Variants in PAPPA2 observed in about 807,000 individuals in gnomAD.
The protein encoded by PAPPA2 is pappalysin 2.
A neutral mutation model predicts 176.4 loss-of-function variants in PAPPA2; 86 were observed. The observed-to-expected ratio is 0.49, with a 90% CI of 0.41 to 0.58. PAPPA2 has a LOEUF of 0.58. Among genes scored for constraint, PAPPA2 ranks in the 20% least tolerant of loss-of-function variants. The pLI is 0.00. For synonymous variants in PAPPA2, 809 were observed against 852.2 expected (o/e 0.95, Z 0.88); for missense variants, 2,073 against 2,256.9 (o/e 0.92, Z 1.65).
chr1:176,582,444 C>T (rs552022872), intron 2 of PAPPA2, among the ~76,000 whole-genome samples: 3 of 152,260 alleles, frequency 2.0e-5, no homozygotes, highest in African/African-American at 7.2e-5. Flanking sequence ...ACGATATTAG[C>T]GGTCACTTAT....
In PAPPA2 at chr1:176,666,579, G is replaced by T. The variant is rs1194222439; in HGVS notation, c.1992-4391G>T. ...AATATATATGTGTGTGTGTGTGTGTGTGTGTGTGTGTGTGTGTGTGTGTGT... is the reference window on the plus strand; with the variant it reads ...AATATATATGTGTGTGTGTGTGTGTTTGTGTGTGTGTGTGTGTGTGTGTGT... On this transcript the variant is annotated intron_variant, in intron 3 of 22. Transcript: ENST00000367662. 2.0e-5 allele frequency among the ~76,000 whole-genome samples: 3 copies of T among 148,444 alleles called. No individual in the cohort carries two copies. The South Asian group carries it at 6.5e-4, about 32-fold the overall frequency.
intron 1 of PAPPA2, among the ~76,000 whole-genome samples, chr1:176,543,192 T>A (rs1223973394): frequency 2.6e-5 from 4 of 152,208 alleles, no homozygotes; most frequent in African/African-American, 9.7e-5. Context: ...AGTGCAGTTA[T>A]GATGAAGAGG....
chr1:176,638,646 TG>T (rs1355123166), intron 3 of PAPPA2, among the ~76,000 whole-genome samples: 1 of 151,802 alleles, frequency 6.6e-6, no homozygotes, highest in African/African-American at 2.4e-5. Flanking sequence ...CAGGCCGGAG[TG>T]CTGGGGAGGG....
At chr1:176,755,577 A>AT (rs1663376461) in intron 14 of PAPPA2, among the ~76,000 whole-genome samples, 1 of 152,212 alleles carries the variant, frequency 6.6e-6, no homozygotes, top group Admixed American at 6.5e-5. Context: ...CCAGGAATAA[A>AT]TAATAGAGAG....
At chr1:176,800,033 T>C in intron 20 of PAPPA2, 28 bp from the exon 21 acceptor site, 1 of 1,613,312 alleles carries the variant, frequency 6.2e-7, no homozygotes, top group South Asian at 1.1e-5. Context: ...TTAATTTTGT[T>C]TTCTGTTTTT....
intron 1 of PAPPA2, among the ~76,000 whole-genome samples, chr1:176,492,904 T>G (rs1170456764): frequency 6.6e-6 from 1 of 152,122 alleles, no homozygotes; most frequent in African/African-American, 2.4e-5. Context: ...AAGAACTGAA[T>G]AGATTTGAAA....
intron 1 of PAPPA2, among the ~76,000 whole-genome samples, chr1:176,531,990 C>T (rs575679471): frequency 1.1e-4 from 16 of 152,156 alleles, no homozygotes; most frequent in Non-Finnish European, 1.8e-4. Context: ...CAAGAACTGG[C>T]CCTGACATTT....
intron 1 of PAPPA2, among the ~76,000 whole-genome samples, chr1:176,495,880 G>T (rs767434106): frequency 6.6e-6 from 1 of 151,376 alleles, no homozygotes; most frequent in Non-Finnish European, 1.5e-5. Flanking sequence ...CGATCCTCCC[G>T]CTCCATCTTC....
chr1:176,502,088 G>T (rs983297956), intron 1 of PAPPA2, among the ~76,000 whole-genome samples: 2 of 152,188 alleles, frequency 1.3e-5, no homozygotes, highest in Non-Finnish European at 2.9e-5. Flanking sequence ...CTCATTTAAT[G>T]TAGGAATGAC....
At chr1:176,553,487 A>AT (rs544577793) in intron 1 of PAPPA2, 18 of 151,044 alleles carry the variant, frequency 1.2e-4, no homozygotes, top group Admixed American at 1.3e-4. Context: ...ATGGTTCAAC[A>AT]TTTTTTTTTA....
Position 176,556,024 on chromosome 1 carries a change from C to G in PAPPA2, c.-299C>G, listed in dbSNP as rs1356480884. ...TTTCTGGGAGGAAATTCAAAGGAAC[C>G]AAGAGAAATTAACTTCGTTCTGCAA... On this transcript the variant is annotated 5_prime_UTR_variant, in exon 2 of 23. Transcript: ENST00000367662. The G allele has an allele frequency of 2.6e-5, 8 of 313,354 alleles. No homozygotes were observed. Among genetic ancestry groups the G allele is most frequent in the Non-Finnish European group, 2.9e-5 (5 of 171,340 alleles). The allele number at this position is 313,354 out of a possible 1,614,324, so 19.4% of individuals were successfully genotyped here.
intron 1 of PAPPA2, among the ~76,000 whole-genome samples, chr1:176,470,749 C>T (rs1293294435): frequency 6.6e-6 from 1 of 152,190 alleles, no homozygotes; most frequent in Non-Finnish European, 1.5e-5. Flanking sequence ...AAAAACAACA[C>T]AACAATTCCA....
chr1:176,576,309 C>A (rs1652639454), intron 2 of PAPPA2, among the ~76,000 whole-genome samples: 1 of 152,142 alleles, frequency 6.6e-6, no homozygotes. Context: ...TTTGCGTTTT[C>A]TTGAGACTAA....
intron 3 of PAPPA2, among the ~76,000 whole-genome samples, chr1:176,644,538 T>A (rs1018247294): frequency 1.3e-5 from 2 of 151,960 alleles, no homozygotes; most frequent in East Asian, 3.9e-4. Flanking sequence ...TTATTTTAAT[T>A]CCTTTCTGAG....
intron 2 of PAPPA2, among the ~76,000 whole-genome samples, chr1:176,562,034 A>C (rs1229340015): frequency 6.6e-6 from 1 of 152,070 alleles, no homozygotes; most frequent in African/African-American, 2.4e-5. Flanking sequence ...CCATGATTCA[A>C]TTACCTCCCA....
intron 1 of PAPPA2, among the ~76,000 whole-genome samples, chr1:176,511,038 A>G (rs545662654): frequency 1.1e-4 from 16 of 152,274 alleles, no homozygotes; most frequent in Admixed American, 9.8e-4. Flanking sequence ...ATAAGTGTAT[A>G]CTTTCTAAAC....
intron 12 of PAPPA2, among the ~76,000 whole-genome samples, chr1:176,731,912 A>G (rs1217638808): frequency 1.3e-5 from 2 of 152,144 alleles, no homozygotes; most frequent in Non-Finnish European, 1.5e-5. Context: ...TCTCCATGCA[A>G]TATTTGGGCA....
intron 21 of PAPPA2, among the ~76,000 whole-genome samples, chr1:176,820,089 C>G (rs1349483166): frequency 6.6e-6 from 1 of 151,766 alleles, no homozygotes; most frequent in Non-Finnish European, 1.5e-5. Flanking sequence ...AACAGAGTGA[C>G]AAGAAAACAG....
intron 3 of PAPPA2, among the ~76,000 whole-genome samples, chr1:176,617,819 G>A (rs1257443809): frequency 6.6e-6 from 1 of 152,184 alleles, no homozygotes; most frequent in Non-Finnish European, 1.5e-5. Context: ...TAGTGGGATT[G>A]CTGGATTAGG....
Sources: gnomAD v4.1 joint callset for allele counts (sites outside exome capture counted in the v4.1 genomes callset) on GRCh38, gnomAD v4.1.1 for gene constraint, MANE v1.5 for transcripts, NCBI Gene and HGNC (gene_info 2026-07-23, HGNC 2026-07-21) for gene names.